Variants in WWTR1 observed in about 807,000 individuals in gnomAD.
WWTR1 encodes the protein WW domain-containing transcription regulator protein 1.
WWTR1 carries 13 observed loss-of-function variants against 40.1 expected under a neutral mutation model. That is an observed-to-expected ratio of 0.32 (90% CI 0.21 to 0.52). WWTR1 has a LOEUF of 0.52. Ranked by LOEUF, WWTR1 falls within the 20% of genes least tolerant of loss-of-function variation. WWTR1 has a pLI of 0.97. For missense variants in WWTR1, 436 were observed against 523.1 expected, an observed-to-expected ratio of 0.83 and a Z score of 1.63; for synonymous variants, 230 against 210.1, an observed-to-expected ratio of 1.09 and a Z score of -0.82.
At chr3:149,707,164 G>C (rs967243314), upstream of WWTR1, among the ~76,000 whole-genome samples, 1 of 152,216 alleles carries the variant, frequency 6.6e-6, no homozygotes, top group Non-Finnish European at 1.5e-5. Context: ...GGAAAAGCAA[G>C]GACAAGGAGC....
At chr3:149,622,490 G>GAAAGAAAGAAAGAAAAGA (rs1560089654) in intron 2 of WWTR1, among the ~76,000 whole-genome samples, 3 of 62,644 alleles carry the variant, frequency 4.8e-5, no homozygotes, top group African/African-American at 1.5e-4. Flanking sequence ...AGGAAGGAAG[G>GAAAGAAAGAAAGAAAAGA]AAGGAAGGAA....
chr3:149,672,527 T>C (rs1468018251), intron 1 of WWTR1, among the ~76,000 whole-genome samples: 2 of 152,140 alleles, frequency 1.3e-5, no homozygotes, highest in Admixed American at 1.3e-4. Flanking sequence ...CTTATTATTA[T>C]TACAATTATT....
intron 2 of WWTR1, among the ~76,000 whole-genome samples, chr3:149,647,604 G>A (rs978422426): frequency 2.0e-5 from 3 of 152,198 alleles, no homozygotes; most frequent in Non-Finnish European, 2.9e-5. Flanking sequence ...CCAAGTCAAG[G>A]GTAGCCTGGT....
chr3:149,640,317 C>T (rs75207871), intron 2 of WWTR1, among the ~76,000 whole-genome samples: 2,532 of 152,280 alleles, frequency 0.017, 72 homozygotes, highest in African/African-American at 0.058. Flanking sequence ...CAGACAGTTG[C>T]ATCTTAAAGA....
chr3:149,533,721 G>A (rs984246086), intron 4 of WWTR1, among the ~76,000 whole-genome samples: 1 of 151,988 alleles, frequency 6.6e-6, no homozygotes, highest in Admixed American at 6.5e-5. Flanking sequence ...GTGGCATCTT[G>A]AACTAAATTC....
At chr3:149,582,842 C>T (rs1738218874) in intron 2 of WWTR1, among the ~76,000 whole-genome samples, 1 of 152,148 alleles carries the variant, frequency 6.6e-6, no homozygotes, top group Non-Finnish European at 1.5e-5. Context: ...TTCCAGATGT[C>T]AAGTATAAAA....
chr3:149,582,853 T>C (rs1254642723), intron 2 of WWTR1, among the ~76,000 whole-genome samples: 1 of 152,214 alleles, frequency 6.6e-6, no homozygotes, highest in Non-Finnish European at 1.5e-5. Flanking sequence ...AAGTATAAAA[T>C]ATGTACTTGG....
chr3:149,591,075 C>T (rs1209433452), intron 2 of WWTR1, among the ~76,000 whole-genome samples: 1 of 149,098 alleles, frequency 6.7e-6, no homozygotes, highest in African/African-American at 2.5e-5. Flanking sequence ...GACAATAAAA[C>T]AAATTAGGTC....
chr3:149,594,367 G>A (rs1259460153), intron 2 of WWTR1, among the ~76,000 whole-genome samples: 1 of 151,842 alleles, frequency 6.6e-6, no homozygotes, highest in Non-Finnish European at 1.5e-5. Flanking sequence ...TACAATATTT[G>A]GTTTGAGCAA....
intron 3 of WWTR1, among the ~76,000 whole-genome samples, chr3:149,557,535 A>G (rs1366748037): frequency 7.9e-5 from 12 of 152,156 alleles, no homozygotes; most frequent in South Asian, 2.1e-4. Flanking sequence ...TCTGACTCCT[A>G]TAACAGAGCA....
At chr3:149,598,161 T>G (rs1739087893) in intron 2 of WWTR1, among the ~76,000 whole-genome samples, 1 of 152,144 alleles carries the variant, frequency 6.6e-6, no homozygotes, top group South Asian at 2.1e-4. Context: ...CCCCAATAGA[T>G]CCTTCACATT....
chr3:149,563,034 C>T (rs1737156130), intron 3 of WWTR1, among the ~76,000 whole-genome samples: 1 of 152,046 alleles, frequency 6.6e-6, no homozygotes, highest in African/African-American at 2.4e-5. Flanking sequence ...TGCCTTTCAC[C>T]CTTAACTGGG....
intron 2 of WWTR1, among the ~76,000 whole-genome samples, chr3:149,651,383 A>C (rs1161625392): frequency 1.3e-5 from 2 of 152,224 alleles, no homozygotes; most frequent in African/African-American, 4.8e-5. Context: ...CATGGAAAGA[A>C]GTTCCAGGAT....
chr3:149,600,811 A>T (rs1739207436), intron 2 of WWTR1, among the ~76,000 whole-genome samples: 1 of 152,188 alleles, frequency 6.6e-6, no homozygotes, highest in African/African-American at 2.4e-5. Context: ...TGTTTCATGG[A>T]ATGCTCACTC....
intron 2 of WWTR1, among the ~76,000 whole-genome samples, chr3:149,590,482 T>C (rs1738647290): frequency 6.6e-6 from 1 of 152,084 alleles, no homozygotes. Context: ...AAACCCCATC[T>C]CTACTAAAAA....
chr3:149,562,692 A>G (rs1159969883), intron 3 of WWTR1, among the ~76,000 whole-genome samples: 3 of 151,692 alleles, frequency 2.0e-5, no homozygotes, highest in East Asian at 1.9e-4. Flanking sequence ...GGAGAAAGAC[A>G]ATCAAGGCTT....
At chr3:149,705,425 A>T (rs181836856), upstream of WWTR1, among the ~76,000 whole-genome samples, 4 of 152,380 alleles carry the variant, frequency 2.6e-5, no homozygotes, top group East Asian at 7.7e-4. Context: ...TTCAAATGTC[A>T]GAAAACAATA....
intron 2 of WWTR1, among the ~76,000 whole-genome samples, chr3:149,613,452 C>G (rs982211906): frequency 5.9e-5 from 9 of 152,202 alleles, no homozygotes; most frequent in African/African-American, 2.2e-4. Flanking sequence ...GGTTCAGAAA[C>G]ATTATCTATC....
chr3:149,640,096 C>G lies in WWTR1; in HGVS notation c.431+16780G>C, dbSNP rs146157721. Among the ~76,000 whole-genome samples, 991 of 152,182 alleles carry G rather than the reference C, an allele frequency of 6.5e-3. 9 individuals carry two copies. Among genetic ancestry groups the G allele is most frequent in the Non-Finnish European group, 5.6e-3 (380 of 68,020 alleles). Reference sequence around the variant, plus strand: ...GCACTAACATGATTTCTTGGATTGCCCTTATTCACGTAGCCCACTTTTCAC... The same window carrying G: ...GCACTAACATGATTTCTTGGATTGCGCTTATTCACGTAGCCCACTTTTCAC... On this transcript the variant is annotated intron_variant, in intron 2 of 6. Transcript: ENST00000360632.
Sources: allele counts gnomAD v4.1 joint callset (sites outside exome capture counted in the v4.1 genomes callset), GRCh38; gene constraint gnomAD v4.1.1; transcripts MANE v1.5; gene names NCBI Gene and HGNC (gene_info 2026-07-23, HGNC 2026-07-21).